The following PPP2R5D variants were observed in gnomAD, a reference collection of about 807,000 sequenced individuals.
PPP2R5D encodes serine/threonine-protein phosphatase 2A 56 kDa regulatory subunit delta isoform.
Under a neutral mutation model 79.1 loss-of-function variants are expected in PPP2R5D, and 12 were observed. The ratio of observed to expected loss-of-function variants is 0.15; its 90% CI spans 0.10 to 0.25. The LOEUF (loss-of-function observed/expected upper bound fraction) is 0.25, where lower values mean the gene tolerates loss of function less well. PPP2R5D is among the 10% of genes least tolerant of loss of function. PPP2R5D has a pLI of 1.00. For missense variants in PPP2R5D, 419 were observed against 760.2 expected (o/e 0.55, Z 5.28); for synonymous variants, 277 against 286.6 (o/e 0.97, Z 0.34).
Position 43,003,065 on chromosome 6 carries a change from G to A in PPP2R5D, c.106-3398G>A, listed in dbSNP as rs554935530. 7.9e-5 allele frequency among the ~76,000 whole-genome samples: 12 copies of A among 152,324 alleles called. No homozygotes were observed. In the South Asian group the frequency reaches 2.5e-3, roughly 32 times the overall value. On this transcript the variant is annotated intron_variant, in intron 2 of 15. Transcript: ENST00000485511. ...ACAGCCCTGCAAATACCTGTATTTA[G>A]ACTTCTGAAAATGGACTTCATGGGG...
intron 1 of PPP2R5D, among the ~76,000 whole-genome samples, chr6:42,985,605 C>CT (rs111692462): frequency 0.031 from 4,628 of 147,382 alleles, 99 homozygotes; most frequent in Non-Finnish European, 0.044. Flanking sequence ...TGCATTTTTC[C>CT]TTTTTTTTTT....
At chr6:42,988,204 T>A (rs1414105960) in intron 1 of PPP2R5D, among the ~76,000 whole-genome samples, 1 of 152,220 alleles carries the variant, frequency 6.6e-6, no homozygotes, top group Non-Finnish European at 1.5e-5. Context: ...ATAACTCGAT[T>A]TAACACTTCT....
At position 43,012,212 on chromosome 6, in the gene PPP2R5D, C is replaced by A; in HGVS notation, c.*926C>A. ...GAAGGCCGGACCCAGGTTCCAGGGG[C>A]GCAGGCAGTGCGGCTTTTGGCTGTG... On this transcript the variant is annotated 3_prime_UTR_variant, in exon 16 of 16. Coordinates refer to ENST00000485511, the MANE Select transcript of PPP2R5D (RefSeq NM_006245.4). 1 of 1,173,676 alleles carries A rather than the reference C, an allele frequency of 8.5e-7. No homozygotes were observed. Among genetic ancestry groups the A allele is most frequent in the Non-Finnish European group, 1.1e-6 (1 of 949,868 alleles). 72.7% of individuals were successfully genotyped at this position (1,173,676 alleles called of 1,614,324 possible). A position where few individuals can be genotyped will look rare whatever the true frequency, so the allele number is the denominator to read the frequency against.
chr6:43,001,298 C>T (rs1276720679), intron 2 of PPP2R5D, among the ~76,000 whole-genome samples: 1 of 152,082 alleles, frequency 6.6e-6, no homozygotes, highest in Admixed American at 6.5e-5. Context: ...TGCGCCACCT[C>T]GCCCGGCTAA....
In PPP2R5D at chr6:43,006,315, T is replaced by C. The variant is rs1762073397; in HGVS notation, c.106-148T>C. The C allele has an allele frequency of 7.1e-7, 1 of 1,400,188 alleles. No homozygotes were observed. Among genetic ancestry groups the C allele is most frequent in the African/African-American group, 1.4e-5 (1 of 69,068 alleles). The allele number at this position is 1,400,188 out of a possible 1,614,324, so 86.7% of individuals were successfully genotyped here. A position where few individuals can be genotyped will look rare whatever the true frequency, so the allele number is the denominator to read the frequency against. On this transcript the variant is annotated intron_variant, in intron 2 of 15. Coordinates refer to ENST00000485511, the MANE Select transcript of PPP2R5D (RefSeq NM_006245.4). This position sits in a 1 kb window ranked among gnomAD's most constrained non-coding sequence, Gnocchi z 4.7. ...GCCAGGGCTACAGCACAGTTATCTCTGTAACCCTGGCCTTAGCTCCTTCGG... is the reference window on the plus strand; with the variant it reads ...GCCAGGGCTACAGCACAGTTATCTCCGTAACCCTGGCCTTAGCTCCTTCGG...
At chr6:42,995,069 GC>G (rs1174500576) in intron 2 of PPP2R5D, among the ~76,000 whole-genome samples, 1 of 150,234 alleles carries the variant, frequency 6.7e-6, no homozygotes, top group Non-Finnish European at 1.5e-5. Flanking sequence ...CTCTGAGCTG[GC>G]CCCACTCTTC....
In PPP2R5D at chr6:43,011,287, C is replaced by T; in HGVS notation, c.*1C>T. On this transcript the variant is annotated 3_prime_UTR_variant, in exon 16 of 16. Coordinates refer to ENST00000485511, the MANE Select transcript of PPP2R5D (RefSeq NM_006245.4). Reference sequence around the variant, plus strand: ...AACTGCCAGCCAGGAGGCTCTCTGACCCCTCACGTTCCTACCACAGGGCCA... The same window carrying T: ...AACTGCCAGCCAGGAGGCTCTCTGATCCCTCACGTTCCTACCACAGGGCCA... 1.2e-6 allele frequency: 2 copies of T among 1,613,774 alleles called. No homozygotes were observed. The highest frequency in any genetic ancestry group is 1.1e-5 in the South Asian group (1 of 91,064).
At position 43,010,986 on chromosome 6, in the gene PPP2R5D, G is replaced by A; in HGVS notation, c.1660G>A (p.Glu554Lys). 6.2e-7 allele frequency: 1 copy of A among 1,613,996 alleles called. No individual in the cohort carries two copies. The highest frequency in any genetic ancestry group is 8.5e-7 in the Non-Finnish European group (1 of 1,179,872). ...GCTTCTGAAGAGGACTGTGGAGACT[G>A]AGGCTGTTCAGGTGGGAGGGCAATG... ...IQLLKRTVET[E>K]AVQMLKDIKK... The change falls in exon 15 of 16, where the codon GAG becomes AAG. Residue 554 changes from glutamate (E) to lysine (K), a missense_variant. By Grantham distance (56) the Glu-to-Lys change is moderately conservative (BLOSUM62 1). This residue lies in a region of PPP2R5D where 84 missense variants were observed against 105.4 expected (regional missense o/e 0.80). Coordinates refer to ENST00000485511, the MANE Select transcript of PPP2R5D (RefSeq NM_006245.4). The surrounding 1 kb of genome is among the most constrained non-coding windows in gnomAD (Gnocchi z 4.7).
At position 43,009,414 on chromosome 6, in the gene PPP2R5D, T is replaced by C. The variant is rs776672514; in HGVS notation, c.1344T>C (p.Pro448=). ...NAARVLPIMF[P]ALYRNSKSHW... Reference sequence around the variant, plus strand: ...CCCGAGTCCTCCCCATCATGTTCCCTGCACTCTACAGGAACTCCAAGAGCC... The same window carrying C: ...CCCGAGTCCTCCCCATCATGTTCCCCGCACTCTACAGGAACTCCAAGAGCC... The change falls in exon 12 of 16, where the codon CCT becomes CCC. Residue 448 remains proline, a synonymous_variant. Transcript: ENST00000485511. The surrounding 1 kb of genome is among the most constrained non-coding windows in gnomAD (Gnocchi z 5.6). The C allele has an allele frequency of 6.2e-7, 1 of 1,614,094 alleles. No homozygotes were observed. Among genetic ancestry groups the C allele is most frequent in the Non-Finnish European group, 8.5e-7 (1 of 1,180,026 alleles).
chr6:42,991,731 C>T (rs1301696783), intron 2 of PPP2R5D, among the ~76,000 whole-genome samples: 1 of 152,190 alleles, frequency 6.6e-6, no homozygotes, highest in Non-Finnish European at 1.5e-5. Flanking sequence ...ACCTTAGGGT[C>T]TAACGTTATC....
rs1331556424 is a variant in PPP2R5D at position 43,008,106 on chromosome 6, TA to T, written c.857+42del. 6.2e-7 allele frequency: 1 copy of T among 1,613,652 alleles called. No individual in the cohort carries two copies. The highest frequency in any genetic ancestry group is 1.3e-5 in the African/African-American group (1 of 74,890). ...CAGGCTTAGGAGCAAAACCTTCTGCTACTGAGGTGGGGTGGGAGCAGGGAGG... is the reference window on the plus strand; with the variant it reads ...CAGGCTTAGGAGCAAAACCTTCTGCTCTGAGGTGGGGTGGGAGCAGGGAGG... On this transcript the variant is annotated intron_variant, in intron 7 of 15. Coordinates refer to ENST00000485511, the MANE Select transcript of PPP2R5D (RefSeq NM_006245.4). The surrounding 1 kb of genome is among the most constrained non-coding windows in gnomAD (Gnocchi z 4.2).
intron 2 of PPP2R5D, among the ~76,000 whole-genome samples, chr6:42,991,238 T>C (rs761696840): frequency 7.9e-5 from 12 of 152,194 alleles, no homozygotes; most frequent in Non-Finnish European, 1.5e-4. Flanking sequence ...ATGATTATAA[T>C]TGTGGGACCC....
rs965762585 is a variant in PPP2R5D, at chr6:43,009,654, C to T, written c.1379+205C>T. ...TCTGTGATACCAAACAGCAGGGCAGCGGCCTGTTACACCGCTCCTTGGGTT... is the reference window on the plus strand; with the variant it reads ...TCTGTGATACCAAACAGCAGGGCAGTGGCCTGTTACACCGCTCCTTGGGTT... On this transcript the variant is annotated intron_variant, in intron 12 of 15. Transcript: ENST00000485511. The surrounding 1 kb of genome is among the most constrained non-coding windows in gnomAD (Gnocchi z 5.6). 6.6e-6 allele frequency among the ~76,000 whole-genome samples: 1 copy of T among 152,174 alleles called. No individual in the cohort carries two copies. The highest frequency in any genetic ancestry group is 1.5e-5 in the Non-Finnish European group (1 of 68,036).
intron 2 of PPP2R5D, among the ~76,000 whole-genome samples, chr6:42,996,379 G>T (rs1771690698): frequency 6.6e-6 from 1 of 151,686 alleles, no homozygotes; most frequent in East Asian, 2.0e-4. Context: ...GCAGGAGAAT[G>T]GCTGAAACTG....
chr6:43,005,616 CTTTTG>C (rs1430283182), intron 2 of PPP2R5D, among the ~76,000 whole-genome samples: 3 of 150,606 alleles, frequency 2.0e-5, no homozygotes, highest in African/African-American at 2.4e-5. Flanking sequence ...TTTCTTTTAC[CTTTTG>C]TTTTGTTTTT....
rs761639726 is a variant in PPP2R5D at position 43,011,302 on chromosome 6, C to T, written c.*16C>T. On this transcript the variant is annotated 3_prime_UTR_variant, in exon 16 of 16. Coordinates refer to ENST00000485511, the MANE Select transcript of PPP2R5D (RefSeq NM_006245.4). ...GGCTCTCTGACCCCTCACGTTCCTA[C>T]CACAGGGCCACAGCCCACACAGCCC... 23 of 1,613,122 alleles carry T rather than the reference C, an allele frequency of 1.4e-5. No individual in the cohort carries two copies. The East Asian group carries it at 5.1e-4, about 36-fold the overall frequency.
At chr6:42,989,504 T>TACAGCTGG (rs1771097207) in intron 1 of PPP2R5D, 107 bp from the exon 2 acceptor site, 1 of 929,068 alleles carries the variant, frequency 1.1e-6, no homozygotes, top group Admixed American at 2.3e-5. Flanking sequence ...TCTAATTGAT[T>TACAGCTGG]GATTCAACTG....
chr6:42,995,139 T>TTTTTTTTTTTTTTTTTTTTTTTG (rs1771563814), intron 2 of PPP2R5D, among the ~76,000 whole-genome samples: 1 of 146,676 alleles, frequency 6.8e-6, no homozygotes, highest in African/African-American at 2.6e-5. Flanking sequence ...TTTTTTTTTT[T>TTTTTTTTTTTTTTTTTTTTTTTG]TTTTTTTTGG....
chr6:43,002,756 T>C (rs1303509506), intron 2 of PPP2R5D, among the ~76,000 whole-genome samples: 1 of 152,188 alleles, frequency 6.6e-6, no homozygotes, highest in Non-Finnish European at 1.5e-5. Flanking sequence ...ATTAATAACA[T>C]TTCTGTCTTC....
Sources: gnomAD v4.1 joint callset for allele counts (sites outside exome capture counted in the v4.1 genomes callset) on GRCh38, gnomAD v4.1.1 for gene constraint, gnomAD v4.1.1 regional missense constraint, Gnocchi (gnomAD v3.1) non-coding constraint, MANE v1.5 for transcripts, NCBI Gene and HGNC (gene_info 2026-07-23, HGNC 2026-07-21) for gene names.